The following FAM24B variants were observed in gnomAD, a reference collection of about 807,000 sequenced individuals.
The protein encoded by FAM24B is protein FAM24B.
Under a neutral mutation model 2.3 loss-of-function variants are expected in FAM24B, and 3 were observed. That is an observed-to-expected ratio of 1.29 (90% CI 0.59 to 3.32). The LOEUF is 3.32. Among genes scored for constraint, FAM24B ranks in the 30% most tolerant of loss-of-function variants. The probability of loss-of-function intolerance (pLI) is 0.03; values close to 1 mark genes in which losing one functional copy is unlikely to be tolerated. For missense variants in FAM24B, 98 were observed against 117.2 expected (o/e 0.84, Z 0.76); for synonymous variants, 36 against 46.3 (o/e 0.78, Z 0.90).
chr10:122,873,868 C>T (rs1847938465), intron 1 of FAM24B, among the ~76,000 whole-genome samples: 1 of 152,172 alleles, frequency 6.6e-6, no homozygotes, highest in Non-Finnish European at 1.5e-5. Context: ...CTTGAAACTT[C>T]GAGCCAAGTG....
rs1848042616 is a variant in FAM24B, at chr10:122,879,484, C to T, written c.-178+1G>A. On this transcript the variant is annotated splice_donor_variant, in intron 1 of 3. Transcript: ENST00000368898. LOFTEE classifies it low-confidence loss of function (5UTR_SPLICE). ...GCGTAGAGCGAAGAGACGACACCTA[C>T]CTGACCATAGACGCTCCCCATCCGC... is the stretch of plus-strand genomic sequence containing the variant. 6.6e-6 allele frequency: 1 copy of T among 152,396 alleles called. No individual in the cohort carries two copies. The highest frequency in any genetic ancestry group is 2.4e-5 in the African/African-American group (1 of 41,484). The allele number at this position is 152,396 out of a possible 1,614,324, so 9.4% of individuals were successfully genotyped here. A position where few individuals can be genotyped will look rare whatever the true frequency, so the allele number is the denominator to read the frequency against.
At chr10:122,857,396 C>T (rs1421794424) in intron 1 of FAM24B, among the ~76,000 whole-genome samples, 2 of 152,146 alleles carry the variant, frequency 1.3e-5, no homozygotes, top group Non-Finnish European at 2.9e-5. Flanking sequence ...TAAAAGGGAA[C>T]CATTTTGGTC....
At chr10:122,859,584 G>A (rs561742032) in intron 1 of FAM24B, among the ~76,000 whole-genome samples, 27 of 152,288 alleles carry the variant, frequency 1.8e-4, no homozygotes, top group African/African-American at 6.3e-4. Flanking sequence ...GGTTGCCAGG[G>A]TGCAATGGCA....
At chr10:122,858,188 T>C (rs935485855) in intron 1 of FAM24B, among the ~76,000 whole-genome samples, 1 of 152,002 alleles carries the variant, frequency 6.6e-6, no homozygotes, top group Non-Finnish European at 1.5e-5. Flanking sequence ...ATTAAGAAAA[T>C]GTGGCACATA....
intron 1 of FAM24B, among the ~76,000 whole-genome samples, chr10:122,872,728 T>C (rs1051942586): frequency 9.9e-5 from 15 of 152,054 alleles, no homozygotes; most frequent in Admixed American, 2.6e-4. Flanking sequence ...TAGGTGGGAA[T>C]TGAACAATGA....
chr10:122,858,059 A>G (rs554328560), intron 1 of FAM24B, among the ~76,000 whole-genome samples: 1 of 152,316 alleles, frequency 6.6e-6, no homozygotes, highest in South Asian at 2.1e-4. Flanking sequence ...CTGGGTATAT[A>G]CCCAAAGGAT....
At chr10:122,850,219 A>T (rs1014861913) in intron 3 of FAM24B, among the ~76,000 whole-genome samples, 1 of 152,116 alleles carries the variant, frequency 6.6e-6, no homozygotes, top group South Asian at 2.1e-4. Flanking sequence ...CCCAGCCAGG[A>T]AGAAAAAAAA....
chr10:122,869,076 G>A (rs1847849284), intron 1 of FAM24B, among the ~76,000 whole-genome samples: 1 of 151,948 alleles, frequency 6.6e-6, no homozygotes, highest in East Asian at 1.9e-4. Context: ...TCAAAATAAA[G>A]GGATGGAGGA....
rs78946540 is a variant in FAM24B at position 122,859,948 on chromosome 10, G to T, written c.-177-4162C>A. ...GACAACTGTCTTGAATTCCTGGAGA[G>T]CAGTGGCACTGAGAGCCATCAGCTG... On this transcript the variant is annotated intron_variant, in intron 1 of 3. Transcript: ENST00000368898. 2.8e-4 allele frequency among the ~76,000 whole-genome samples: 43 copies of T among 152,110 alleles called. 1 individual carries two copies. Among genetic ancestry groups the T allele is most frequent in the Non-Finnish European group, 5.3e-4 (36 of 68,006 alleles).
At chr10:122,850,292 A>G (rs747476093) in intron 3 of FAM24B, 132 bp downstream of exon 3, 7 of 718,452 alleles carry the variant, frequency 9.7e-6, no homozygotes, top group Non-Finnish European at 1.8e-5. Context: ...GACTTCACCC[A>G]GGGTATGGCC....
At chr10:122,865,821 T>C (rs1011124353) in intron 1 of FAM24B, among the ~76,000 whole-genome samples, 8 of 152,112 alleles carry the variant, frequency 5.3e-5, no homozygotes, top group Non-Finnish European at 1.2e-4. Flanking sequence ...ATTATCTATT[T>C]CTCCTTTCTA....
intron 1 of FAM24B, among the ~76,000 whole-genome samples, chr10:122,861,533 G>A (rs1301200594): frequency 6.6e-6 from 1 of 152,174 alleles, no homozygotes; most frequent in Non-Finnish European, 1.5e-5. Context: ...AAATTGGGGA[G>A]AATTGACATC....
intron 1 of FAM24B, among the ~76,000 whole-genome samples, chr10:122,868,106 T>C (rs1847829992): frequency 6.6e-6 from 1 of 152,128 alleles, no homozygotes; most frequent in Non-Finnish European, 1.5e-5. Flanking sequence ...AAGGACCTGA[T>C]GGAGATGAAA....
intron 2 of FAM24B, among the ~76,000 whole-genome samples, chr10:122,851,413 C>A (rs1292746403): frequency 6.6e-6 from 1 of 152,216 alleles, no homozygotes; most frequent in African/African-American, 2.4e-5. Flanking sequence ...TCCAGCAGAG[C>A]TAGCAGAATG....
intron 1 of FAM24B, among the ~76,000 whole-genome samples, chr10:122,868,194 G>A (rs983291020): frequency 1.3e-5 from 2 of 152,022 alleles, no homozygotes; most frequent in Non-Finnish European, 1.5e-5. Flanking sequence ...GGGTATCAGC[G>A]ATGGAAGATG....
intron 1 of FAM24B, among the ~76,000 whole-genome samples, chr10:122,865,186 G>C (rs1313149381): frequency 1.3e-5 from 2 of 152,104 alleles, no homozygotes; most frequent in Non-Finnish European, 2.9e-5. Context: ...GGATTGTCAG[G>C]TTTTGTTTTT....
intron 1 of FAM24B, among the ~76,000 whole-genome samples, chr10:122,873,456 A>G (rs1847930457): frequency 1.3e-5 from 2 of 152,362 alleles, no homozygotes; most frequent in South Asian, 2.1e-4. Context: ...CTTTCAATAC[A>G]TTAGTGCTAA....
intron 1 of FAM24B, among the ~76,000 whole-genome samples, chr10:122,877,122 C>T (rs1234354789): frequency 6.6e-6 from 1 of 152,026 alleles, no homozygotes; most frequent in Non-Finnish European, 1.5e-5. Context: ...AAAAATAAAG[C>T]AAAAAATACC....
intron 1 of FAM24B, among the ~76,000 whole-genome samples, chr10:122,878,282 C>CTGG (rs1848011206): frequency 6.6e-6 from 1 of 152,248 alleles, no homozygotes; most frequent in South Asian, 2.1e-4. Flanking sequence ...CTTGTAATCC[C>CTGG]AGCACTTTTG....
Sources: allele counts gnomAD v4.1 joint callset (sites outside exome capture counted in the v4.1 genomes callset), GRCh38; gene constraint gnomAD v4.1.1; transcripts MANE v1.5; gene names NCBI Gene and HGNC (gene_info 2026-07-23, HGNC 2026-07-21).